The following GPR19 variants were observed in gnomAD, a reference collection of about 807,000 sequenced individuals.
GPR19 encodes G protein-coupled receptor 19, also known as probable G protein-coupled receptor 19.
GPR19 carries 14 observed loss-of-function variants against 28.5 expected under a neutral mutation model. That is an observed-to-expected ratio of 0.49 (90% CI 0.32 to 0.77). The LOEUF is 0.77. GPR19 is among the 30% of genes least tolerant of loss of function. The pLI is 0.03. For missense variants in GPR19, 409 were observed against 504.1 expected (o/e 0.81, Z 1.81); for synonymous variants, 173 against 184.1 (o/e 0.94, Z 0.49).
chr12:12,665,563 G>A (rs1292527933), intron 3 of GPR19, among the ~76,000 whole-genome samples: 1 of 152,180 alleles, frequency 6.6e-6, no homozygotes, highest in African/African-American at 2.4e-5. Flanking sequence ...GATCGGCCGA[G>A]CGCGGTGGCT....
At position 12,662,550 on chromosome 12, in the gene GPR19, C is replaced by G. The variant is rs1361095055; in HGVS notation, c.-22-80G>C. The G allele has an allele frequency of 2.9e-6, 3 of 1,050,720 alleles. No individual in the cohort carries two copies. In the East Asian group the frequency reaches 7.2e-5, roughly 25 times the overall value. 65.1% of individuals were successfully genotyped at this position (1,050,720 alleles called of 1,614,324 possible). A position where few individuals can be genotyped will look rare whatever the true frequency, so the allele number is the denominator to read the frequency against. On this transcript the variant is annotated intron_variant, in intron 3 of 3. Coordinates refer to ENST00000651487, the MANE Select transcript of GPR19 (RefSeq NM_006143.3). ...GGTTATGATTACTCAGGCTAACGAT[C>G]TTATTTGACATTTACATTGATTGTC...
the GPR19 span, among the ~76,000 whole-genome samples, chr12:12,705,757 C>T: frequency 0.39 from 58,745 of 151,832 alleles, 12,119 homozygotes; most frequent in Non-Finnish European, 0.45. Flanking sequence ...ACTATGTTGC[C>T]CAGGCTGGTC....
At chr12:12,698,712 G>A (rs1455795658), upstream of GPR19, among the ~76,000 whole-genome samples, 1 of 151,928 alleles carries the variant, frequency 6.6e-6, no homozygotes, top group Non-Finnish European at 1.5e-5. Flanking sequence ...CCGGGTTCAA[G>A]CGATTCTCTT....
rs769976911 is a variant in GPR19 at position 12,662,390 on chromosome 12, A to G, written c.59T>C (p.Leu20Pro). 6.2e-7 allele frequency: 1 copy of G among 1,614,234 alleles called. No individual in the cohort carries two copies. Among genetic ancestry groups the G allele is most frequent in the Non-Finnish European group, 8.5e-7 (1 of 1,180,034 alleles). Residue 20 changes from leucine to proline, a missense_variant, in exon 4 of 4, where the codon CTG (leucine) becomes CCG (proline). Coordinates refer to ENST00000651487, the MANE Select transcript of GPR19 (RefSeq NM_006143.3). ...GCAGCTGCGGTTTTGGAGGGGCACC[A>G]GAAGTGTAGGAATAATCAAATGTGG... ...SKPHLIIPTLLVPLQNRSCTE... is the reference protein window; with the variant it reads ...SKPHLIIPTLPVPLQNRSCTE...
chr12:12,674,047 A>G (rs186663118), intron 3 of GPR19, among the ~76,000 whole-genome samples: 1 of 151,998 alleles, frequency 6.6e-6, no homozygotes, highest in African/African-American at 2.4e-5. Flanking sequence ...TCCTGTCTGT[A>G]CTAAATATAT....
At chr12:12,690,427 G>A (rs1014705546) in intron 2 of GPR19, among the ~76,000 whole-genome samples, 4 of 152,186 alleles carry the variant, frequency 2.6e-5, no homozygotes, top group Non-Finnish European at 5.9e-5. Flanking sequence ...CAGAGGAAGT[G>A]CAGGGAAATC....
At chr12:12,686,039 GA>G (rs1946093495) in intron 2 of GPR19, among the ~76,000 whole-genome samples, 1 of 152,144 alleles carries the variant, frequency 6.6e-6, no homozygotes, top group Non-Finnish European at 1.5e-5. Flanking sequence ...TTAATACTTG[GA>G]TAGCATTTGG....
intron 3 of GPR19, among the ~76,000 whole-genome samples, chr12:12,683,636 G>T (rs1946053918): frequency 6.6e-6 from 1 of 152,210 alleles, no homozygotes; most frequent in Admixed American, 6.5e-5. Flanking sequence ...ACATTAGAAA[G>T]AACTTTCTTA....
At chr12:12,703,431 T>C in the GPR19 span, 1 of 985,368 alleles carries the variant, frequency 1.0e-6, no homozygotes, top group South Asian at 4.7e-5. Flanking sequence ...AGCCAAACTA[T>C]GGGACCTTGA....
intron 3 of GPR19, among the ~76,000 whole-genome samples, chr12:12,666,905 T>A (rs941252691): frequency 2.0e-5 from 3 of 152,208 alleles, no homozygotes; most frequent in African/African-American, 7.2e-5. Flanking sequence ...CCAGGTCAAC[T>A]GCTATATGAA....
At chr12:12,705,113 A>AT in the GPR19 span, among the ~76,000 whole-genome samples, 2 of 84,440 alleles carry the variant, frequency 2.4e-5, no homozygotes, top group African/African-American at 3.2e-5. Context: ...ATAGAAATGC[A>AT]TCTTTTTTTT....
chr12:12,676,276 C>T (rs1945929730), intron 3 of GPR19, among the ~76,000 whole-genome samples: 1 of 152,164 alleles, frequency 6.6e-6, no homozygotes, highest in South Asian at 2.1e-4. Flanking sequence ...CCTCCTTGAA[C>T]CTCTGTTTCC....
the GPR19 span, among the ~76,000 whole-genome samples, chr12:12,705,463 C>A: frequency 6.6e-6 from 1 of 152,152 alleles, no homozygotes; most frequent in Non-Finnish European, 1.5e-5. Flanking sequence ...GAGAGACTCA[C>A]AAGCAAAGCT....
At chr12:12,700,354 T>TTTG (rs140318811), upstream of GPR19, among the ~76,000 whole-genome samples, 2 of 151,552 alleles carry the variant, frequency 1.3e-5, no homozygotes, top group African/African-American at 2.4e-5. Flanking sequence ...CACCTGGCTA[T>TTTG]TTGTTGTTGT....
chr12:12,709,104 A>G, the GPR19 span, among the ~76,000 whole-genome samples: 1 of 152,208 alleles, frequency 6.6e-6, no homozygotes, highest in African/African-American at 2.4e-5. Flanking sequence ...GGGTTCAACC[A>G]ACAGAAACTC....
At chr12:12,712,998 C>T in the GPR19 span, among the ~76,000 whole-genome samples, 1 of 151,726 alleles carries the variant, frequency 6.6e-6, no homozygotes, top group African/African-American at 2.4e-5. Flanking sequence ...CTTTCCATAT[C>T]GCCAGGCCAA....
intron 2 of GPR19, among the ~76,000 whole-genome samples, chr12:12,693,618 C>T (rs145989015): frequency 6.6e-6 from 1 of 152,334 alleles, no homozygotes; most frequent in East Asian, 1.9e-4. Context: ...AGTACGTTAA[C>T]CCCATTCTTA....
intron 3 of GPR19, among the ~76,000 whole-genome samples, chr12:12,666,025 C>T (rs759938442): frequency 3.3e-5 from 5 of 151,932 alleles, no homozygotes; most frequent in Non-Finnish European, 5.9e-5. Context: ...AAAGTTTGAG[C>T]TGGGAGCTTA....
chr12:12,672,549 C>A (rs897357154), intron 3 of GPR19, among the ~76,000 whole-genome samples: 7 of 152,286 alleles, frequency 4.6e-5, no homozygotes, highest in African/African-American at 1.7e-4. Context: ...GAGTTTGAGA[C>A]CAGCCTGGCC....
Sources: allele counts gnomAD v4.1 joint callset (sites outside exome capture counted in the v4.1 genomes callset), GRCh38; gene constraint gnomAD v4.1.1; transcripts MANE v1.5; gene names NCBI Gene and HGNC (gene_info 2026-07-23, HGNC 2026-07-21).